RSRP1: variants seen among roughly 807,000 people sequenced by gnomAD.
RSRP1 encodes arginine and serine rich protein 1.
In RSRP1, 37 loss-of-function variants were observed where a neutral mutation model predicts 33.0. The ratio of observed to expected loss-of-function variants is 1.12; its 90% CI spans 0.86 to 1.48. RSRP1 has a LOEUF of 1.48. RSRP1 is among the 40% of genes most tolerant of loss of function. RSRP1 has a pLI of 0.00. For synonymous variants in RSRP1, 167 were observed against 158.7 expected, an observed-to-expected ratio of 1.05 and a Z score of -0.40; for missense variants, 402 against 385.3, an observed-to-expected ratio of 1.04 and a Z score of -0.36.
rs185528362 is a variant in RSRP1 at position 25,299,373 on chromosome 1, T to C, written c.-67+38605A>G. ...CTCTAGCCTGGCGACAGAGTGAGAC[T>C]CCGTCTCAAAAATAAATAAATAAAT... On this transcript the variant is annotated intron_variant, in intron 1 of 1. Coordinates refer to the RSRP1 transcript ENST00000561867. 2.6e-3 allele frequency among the ~76,000 whole-genome samples: 339 copies of C among 130,554 alleles called. 40 individuals are homozygous for C. The highest frequency in any genetic ancestry group is 8.5e-3 in the African/African-American group (323 of 37,892). The allele number at this position is 130,554 out of a possible 152,430, so 85.6% of individuals were successfully genotyped here.
At position 25,332,140 on chromosome 1, in the gene RSRP1, G is replaced by T. The variant is rs147794411; in HGVS notation, c.-67+5838C>A. ...ACTGCAACCTCTACCATGTTCAAGC[G>T]ATTCTCCCACCTCTGCCTCCCGTGT... On this transcript the variant is annotated intron_variant, in intron 1 of 1. Transcript: ENST00000561867. Among the ~76,000 whole-genome samples, 513 of 123,652 alleles carry T rather than the reference G, an allele frequency of 4.1e-3. 68 individuals are homozygous for T. Among genetic ancestry groups the T allele is most frequent in the African/African-American group, 0.014 (496 of 36,302 alleles). 81.1% of individuals were successfully genotyped at this position (123,652 alleles called of 152,430 possible). A position where few individuals can be genotyped will look rare whatever the true frequency, so the allele number is the denominator to read the frequency against.
chr1:25,273,727 A>T (rs1231952331), intron 1 of RSRP1, among the ~76,000 whole-genome samples: 2 of 128,528 alleles, frequency 1.6e-5, no homozygotes, highest in African/African-American at 5.3e-5. Context: ...AATGAGTTTC[A>T]GGCATCTCAG....
At chr1:25,252,437 C>G (rs1363140263), upstream of RSRP1, among the ~76,000 whole-genome samples, 5 of 152,018 alleles carry the variant, frequency 3.3e-5, no homozygotes, top group Non-Finnish European at 7.4e-5. Flanking sequence ...ATCACCAGAC[C>G]GGGAAGCAAC....
intron 1 of RSRP1, among the ~76,000 whole-genome samples, chr1:25,257,632 G>A (rs866103796): frequency 5.1e-5 from 7 of 137,598 alleles, no homozygotes; most frequent in African/African-American, 1.4e-4. Flanking sequence ...TCAGAGTCTC[G>A]CCCTGTTGCC....
chr1:25,337,810 G>C (rs1645109569), intron 1 of RSRP1: 1 of 151,438 alleles, frequency 6.6e-6, no homozygotes, highest in Non-Finnish European at 1.5e-5. Flanking sequence ...CCGAGACTGG[G>C]GTCCACGGGA....
intron 1 of RSRP1, among the ~76,000 whole-genome samples, chr1:25,259,526 C>T (rs927105388): frequency 7.3e-5 from 11 of 150,860 alleles, no homozygotes; most frequent in African/African-American, 2.2e-4. Flanking sequence ...TTTTTTGAAA[C>T]GGAGTCTCAC....
rs561757128 is a variant in RSRP1 at position 25,322,239 on chromosome 1, T to C, written c.-67+15739A>G. Among the ~76,000 whole-genome samples, 36 of 132,452 alleles carry C rather than the reference T, an allele frequency of 2.7e-4. 3 individuals are homozygous for C. The South Asian group carries it at 7.6e-3, about 28-fold the overall frequency. 86.9% of individuals were successfully genotyped at this position (132,452 alleles called of 152,430 possible). A position where few individuals can be genotyped will look rare whatever the true frequency, so the allele number is the denominator to read the frequency against. ...TCACTGGCCACACTTCCCCTCCCCC[T>C]ATCTGCAGTCCTCAGCGTAGCCAAA... On this transcript the variant is annotated intron_variant, in intron 1 of 1. Transcript: ENST00000561867.
chr1:25,258,661 A>G (rs1237197615), intron 1 of RSRP1, among the ~76,000 whole-genome samples: 14 of 152,252 alleles, frequency 9.2e-5, no homozygotes, highest in Non-Finnish European at 1.5e-5. Context: ...TACTGAATGA[A>G]CAAGAATACT....
intron 1 of RSRP1, chr1:25,266,935 G>A (rs1282484085): frequency 8.1e-6 from 1 of 123,072 alleles, no homozygotes; most frequent in Non-Finnish European, 1.8e-5. Context: ...GCGGCTGCAG[G>A]ATCGCGAGCG....
chr1:25,254,930 G>A (rs1282219859), intron 1 of RSRP1, among the ~76,000 whole-genome samples: 3 of 152,190 alleles, frequency 2.0e-5, no homozygotes, highest in African/African-American at 4.8e-5. Context: ...AGACAGTCAC[G>A]TCCGTGCCTA....
At position 25,316,056 on chromosome 1, in the gene RSRP1, T is replaced by C. The variant is rs1245555159; in HGVS notation, c.-67+21922A>G. ...AGGAAAGGCTTAAAAAACTGGCTTG[T>C]TATGTACAACTATCCGTGGGGCTGC... On this transcript the variant is annotated intron_variant, in intron 1 of 1. Transcript: ENST00000561867. 3.1e-5 allele frequency among the ~76,000 whole-genome samples: 4 copies of C among 130,634 alleles called. 1 individual carries two copies. Among genetic ancestry groups the C allele is most frequent in the Non-Finnish European group, 7.2e-5 (4 of 55,306 alleles). 85.7% of individuals were successfully genotyped at this position (130,634 alleles called of 152,430 possible).
At chr1:25,274,543 G>C (rs1158457500) in intron 1 of RSRP1, among the ~76,000 whole-genome samples, 1 of 132,974 alleles carries the variant, frequency 7.5e-6, no homozygotes, top group African/African-American at 2.6e-5. Context: ...GGAGACGATG[G>C]TGTCAGGGGA....
chr1:25,290,466 A>C (rs2124640458), intron 1 of RSRP1, among the ~76,000 whole-genome samples: 1 of 128,812 alleles, frequency 7.8e-6, no homozygotes, highest in East Asian at 2.0e-4. Context: ...AGAGATGGTC[A>C]CTCCACTCTG....
chr1:25,288,360 T>A, intron 1 of RSRP1, among the ~76,000 whole-genome samples: 1 of 126,800 alleles, frequency 7.9e-6, no homozygotes, highest in African/African-American at 2.7e-5. Context: ...TTTTGCTTTT[T>A]GTAGAGATGG....
In RSRP1 at chr1:25,302,543, C is replaced by T. The variant is rs1186109025; in HGVS notation, c.-67+35435G>A. Among the ~76,000 whole-genome samples, 18 of 129,306 alleles carry T rather than the reference C, an allele frequency of 1.4e-4. 3 individuals carry two copies. Among genetic ancestry groups the T allele is most frequent in the African/African-American group, 2.4e-4 (9 of 37,554 alleles). 84.8% of individuals were successfully genotyped at this position (129,306 alleles called of 152,430 possible). ...GGAGTGGGTGTCAACTCAGGGAAGCCCAGAGGCTAATCCTAGGTGAGAGCT... is the reference window on the plus strand; with the variant it reads ...GGAGTGGGTGTCAACTCAGGGAAGCTCAGAGGCTAATCCTAGGTGAGAGCT... On this transcript the variant is annotated intron_variant, in intron 1 of 1. Coordinates refer to the RSRP1 transcript ENST00000561867.
Position 25,273,705 on chromosome 1 carries a change from T to C in RSRP1, c.-66-26676A>G, listed in dbSNP as rs1051293055. The stretch of plus-strand genomic sequence containing the variant: ...CCACAATGGTGTGACTTTGCTTTTT[T>C]AAAAATATTGAAATGAGTTTCAGGC... On this transcript the variant is annotated intron_variant, in intron 1 of 1. Coordinates refer to the RSRP1 transcript ENST00000561867. 1.0e-4 allele frequency among the ~76,000 whole-genome samples: 13 copies of C among 125,164 alleles called. 3 individuals carry two copies. Among genetic ancestry groups the C allele is most frequent in the African/African-American group, 3.6e-4 (13 of 36,612 alleles). The allele number at this position is 125,164 out of a possible 152,430, so 82.1% of individuals were successfully genotyped here.
rs1320030209 is a variant in RSRP1 at position 25,333,361 on chromosome 1, T to A, written c.-67+4617A>T. On this transcript the variant is annotated intron_variant, in intron 1 of 1. Coordinates refer to the RSRP1 transcript ENST00000561867. ...GAAGACAACTTGTAGGAGAGGCTGC[T>A]ATGCAAGACAGTGTGTGAAGGAAGG... Among the ~76,000 whole-genome samples, 2 of 130,302 alleles carry A rather than the reference T, an allele frequency of 1.5e-5. 1 individual carries two copies. The highest frequency in any genetic ancestry group is 3.6e-5 in the Non-Finnish European group (2 of 55,902). 85.5% of individuals were successfully genotyped at this position (130,302 alleles called of 152,430 possible).
Position 25,246,810 on chromosome 1 carries a change from G to A in RSRP1, c.154C>T (p.Arg52Trp), listed in dbSNP as rs537057461. Residue 52 changes from arginine (R) to tryptophan (W), a missense_variant, in exon 2 of 5, where the codon CGG (arginine) becomes TGG (tryptophan). Transcript: ENST00000243189. ...SSRSHSRVSS[R>W]FSSRSRRSKS... ...CTCCTCCGACTCCTGGACGAAAACC[G>A]GCTCGAGACGCGGGAATGGGACCGA... 11 of 1,613,458 alleles carry A rather than the reference G, an allele frequency of 6.8e-6. No individual in the cohort carries two copies. Among genetic ancestry groups the A allele is most frequent in the Non-Finnish European group, 8.5e-6 (10 of 1,179,802 alleles).
rs185907768 is a variant in RSRP1 at position 25,287,950 on chromosome 1, C to T, written c.-66-40921G>A. On this transcript the variant is annotated intron_variant, in intron 1 of 1. Coordinates refer to the RSRP1 transcript ENST00000561867. ...GTGGGTCAGGTTGGTCTGGAACTCC[C>T]GACCTCAAGTGATCCACCTGCCTAG... is the stretch of plus-strand genomic sequence containing the variant. Among the ~76,000 whole-genome samples the T allele has an allele frequency of 4.6e-3, 607 of 131,904 alleles. 94 individuals carry two copies. The highest frequency in any genetic ancestry group is 0.018 in the South Asian group (78 of 4,268). The allele number at this position is 131,904 out of a possible 152,430, so 86.5% of individuals were successfully genotyped here. A position where few individuals can be genotyped will look rare whatever the true frequency, so the allele number is the denominator to read the frequency against.
Sources: gnomAD v4.1 joint callset for allele counts (sites outside exome capture counted in the v4.1 genomes callset) on GRCh38, gnomAD v4.1.1 for gene constraint, MANE v1.5 for transcripts, NCBI Gene and HGNC (gene_info 2026-07-23, HGNC 2026-07-21) for gene names.